The following CDH4 variants were observed in gnomAD, a reference collection of about 807,000 sequenced individuals.
The protein encoded by CDH4 is cadherin-4.
Under a neutral mutation model 86.0 loss-of-function variants are expected in CDH4, and 33 were observed. That is an observed-to-expected ratio of 0.38 (90% CI 0.29 to 0.51). CDH4 has a LOEUF of 0.51. Ranked by LOEUF, CDH4 falls within the 20% of genes least tolerant of loss-of-function variation. The pLI is 0.86. For missense variants in CDH4, 1,114 were observed against 1,307.4 expected (o/e 0.85, Z 2.28); for synonymous variants, 555 against 549.4 (o/e 1.01, Z -0.14).
chr20:61,614,860 G>A (rs1392346269), intron 2 of CDH4, among the ~76,000 whole-genome samples: 1 of 152,128 alleles, frequency 6.6e-6, no homozygotes. Flanking sequence ...GGATGGGGCA[G>A]TGGGACAGCC....
chr20:61,751,096 C>T (rs6142848), intron 3 of CDH4, among the ~76,000 whole-genome samples: 32,690 of 152,036 alleles, frequency 0.22, 3,772 homozygotes, highest in East Asian at 0.3. Context: ...TTGCTCGTTT[C>T]GGGAAGAGTA....
In CDH4 at chr20:61,410,433, C is replaced by T. The variant is rs1343109315; in HGVS notation, c.169+155496C>T. Among the ~76,000 whole-genome samples the T allele has an allele frequency of 2.2e-4, 28 of 129,110 alleles. No individual in the cohort carries two copies. The Admixed American group carries it at 2.2e-3, about 10-fold the overall frequency. The allele number at this position is 129,110 out of a possible 152,430, so 84.7% of individuals were successfully genotyped here. On this transcript the variant is annotated intron_variant, in intron 2 of 15. Coordinates refer to ENST00000614565, the MANE Select transcript of CDH4 (RefSeq NM_001794.5). ...CACATCCATCCATCTTCCATTCCTC[C>T]CACTGGTCCATCCATCCATCCATCC...
intron 9 of CDH4, among the ~76,000 whole-genome samples, chr20:61,920,833 CGTG>C (rs11468002): frequency 0.78 from 108,297 of 139,738 alleles, 43,247 homozygotes; most frequent in Non-Finnish European, 0.88. Context: ...TGCATGGAAA[CGTG>C]GTGTGATTGC....
At chr20:61,786,054 C>T (rs1267313508) in intron 4 of CDH4, among the ~76,000 whole-genome samples, 2 of 152,280 alleles carry the variant, frequency 1.3e-5, no homozygotes, top group South Asian at 2.1e-4. Context: ...ACAGAATCCA[C>T]GTCCAGGATG....
intron 2 of CDH4, among the ~76,000 whole-genome samples, chr20:61,415,811 T>G (rs994949380): frequency 6.6e-6 from 1 of 152,076 alleles, no homozygotes; most frequent in African/African-American, 2.4e-5. Flanking sequence ...GCAATTCTTG[T>G]GTCTTAGCCT....
chr20:61,702,264 A>G (rs1254770554), intron 2 of CDH4, among the ~76,000 whole-genome samples: 2 of 152,196 alleles, frequency 1.3e-5, no homozygotes, highest in Non-Finnish European at 2.9e-5. Flanking sequence ...AGAACCACAC[A>G]AAGACGGCAA....
At chr20:61,917,932 G>A (rs2054922925) in intron 9 of CDH4, among the ~76,000 whole-genome samples, 1 of 152,278 alleles carries the variant, frequency 6.6e-6, no homozygotes, top group Non-Finnish European at 1.5e-5. Context: ...ATGACATGCA[G>A]CATTATTCCA....
At chr20:61,461,832 A>G (rs2085444936) in intron 2 of CDH4, among the ~76,000 whole-genome samples, 1 of 152,270 alleles carries the variant, frequency 6.6e-6, no homozygotes, top group African/African-American at 2.4e-5. Flanking sequence ...GCAAGTGATG[A>G]GAGAGAGACA....
At chr20:61,691,435 A>T (rs897830069) in intron 2 of CDH4, among the ~76,000 whole-genome samples, 1 of 150,428 alleles carries the variant, frequency 6.6e-6, no homozygotes, top group Admixed American at 6.7e-5. Context: ...GTGCGTGTGC[A>T]TGTGTGTCTG....
Position 61,879,710 on chromosome 20 carries a change from G to A in CDH4, c.1050+5810G>A, listed in dbSNP as rs1004295850. Among the ~76,000 whole-genome samples, 10 of 152,126 alleles carry A rather than the reference G, an allele frequency of 6.6e-5. No individual in the cohort carries two copies. The highest frequency in any genetic ancestry group is 9.7e-5 in the African/African-American group (4 of 41,422). On this transcript the variant is annotated intron_variant, in intron 7 of 15. Coordinates refer to ENST00000614565, the MANE Select transcript of CDH4 (RefSeq NM_001794.5). This position sits in a 1 kb window ranked among gnomAD's most constrained non-coding sequence, Gnocchi z 4.1. ...TTTATGGCCTAATGAGGAGGTGAAC[G>A]TGCCGCCCGAGCCCCGTCCTGAAGG...
At chr20:61,594,148 G>A (rs1480768382) in intron 2 of CDH4, among the ~76,000 whole-genome samples, 1 of 85,934 alleles carries the variant, frequency 1.2e-5, no homozygotes, top group African/African-American at 4.6e-5. Flanking sequence ...GAGCTGGGGG[G>A]AAGAGGGTTG....
At chr20:61,798,504 T>C (rs1176728212) in intron 4 of CDH4, among the ~76,000 whole-genome samples, 1 of 151,958 alleles carries the variant, frequency 6.6e-6, no homozygotes, top group Non-Finnish European at 1.5e-5. Context: ...TGCAGGCGGG[T>C]GGGCCCCTCA....
At chr20:61,382,847 G>A (rs1038298620) in intron 2 of CDH4, among the ~76,000 whole-genome samples, 1 of 150,786 alleles carries the variant, frequency 6.6e-6, no homozygotes, top group Non-Finnish European at 1.5e-5. Flanking sequence ...TCTCATCCCA[G>A]GATCCTTAAT....
At chr20:61,872,515 C>T (rs1983852016) in intron 6 of CDH4, among the ~76,000 whole-genome samples, 1 of 152,206 alleles carries the variant, frequency 6.6e-6, no homozygotes, top group African/African-American at 2.4e-5. Flanking sequence ...ACCTGGCCCG[C>T]CGCATGACCC....
intron 2 of CDH4, among the ~76,000 whole-genome samples, chr20:61,660,796 G>A (rs949659145): frequency 1.2e-4 from 18 of 152,104 alleles, no homozygotes; most frequent in South Asian, 2.1e-4. Flanking sequence ...TAGGTGCTTC[G>A]TGGAGATACC....
At chr20:61,713,748 G>A (rs182706657) in intron 2 of CDH4, among the ~76,000 whole-genome samples, 140 of 152,326 alleles carry the variant, frequency 9.2e-4, no homozygotes, top group African/African-American at 2.7e-3. Flanking sequence ...CCCATGGGCC[G>A]CAGCACCACA....
At chr20:61,904,085 C>G (rs1025706416) in intron 8 of CDH4, among the ~76,000 whole-genome samples, 5 of 152,216 alleles carry the variant, frequency 3.3e-5, no homozygotes, top group South Asian at 2.1e-4. Context: ...TGGGCTTGCC[C>G]CAGCGGGGGA....
intron 1 of CDH4, among the ~76,000 whole-genome samples, chr20:61,254,323 C>T (rs559019772): frequency 5.8e-4 from 89 of 152,314 alleles, no homozygotes; most frequent in African/African-American, 2.0e-3. Context: ...AATCTTCTTC[C>T]TTTCTCTCCT....
intron 2 of CDH4, among the ~76,000 whole-genome samples, chr20:61,285,290 C>T (rs1385016934): frequency 6.6e-6 from 1 of 152,158 alleles, no homozygotes; most frequent in Admixed American, 6.5e-5. Context: ...AGCTGGGCAT[C>T]GAACCCACAG....
Sources: gnomAD v4.1 joint callset for allele counts (sites outside exome capture counted in the v4.1 genomes callset) on GRCh38, gnomAD v4.1.1 for gene constraint, Gnocchi (gnomAD v3.1) non-coding constraint, MANE v1.5 for transcripts, NCBI Gene and HGNC (gene_info 2026-07-23, HGNC 2026-07-21) for gene names.